ADARB1: variants seen among roughly 807,000 people sequenced by gnomAD.
The protein encoded by ADARB1 is double-stranded RNA-specific editase 1.
ADARB1 carries 10 observed loss-of-function variants against 52.4 expected under a neutral mutation model. That is an observed-to-expected ratio of 0.19 (90% CI 0.12 to 0.32). The LOEUF (loss-of-function observed/expected upper bound fraction) is 0.32, where lower values mean the gene tolerates loss of function less well. Among genes scored for constraint, ADARB1 ranks in the 10% least tolerant of loss-of-function variants. The pLI is 1.00. For synonymous variants in ADARB1, 349 were observed against 371.1 expected (o/e 0.94, Z 0.68); for missense variants, 643 against 922.3 (o/e 0.70, Z 3.92).
rs73907263 is a variant in ADARB1 at position 45,163,914 on chromosome 21, C to T, written c.-47-7696C>T. ...AGACTCAGAGTAGCTGTCTGTCCCACGTTGCCATAGCTGAGTTCACTCGGC... is the reference window on the plus strand; with the variant it reads ...AGACTCAGAGTAGCTGTCTGTCCCATGTTGCCATAGCTGAGTTCACTCGGC... On this transcript the variant is annotated intron_variant, in intron 2 of 10. Transcript: ENST00000348831. 6.4e-3 allele frequency among the ~76,000 whole-genome samples: 977 copies of T among 152,294 alleles called. 6 individuals are homozygous for T. Among genetic ancestry groups the T allele is most frequent in the African/African-American group, 0.021 (859 of 41,550 alleles).
At chr21:45,167,929 T>A (rs1488978928) in intron 2 of ADARB1, among the ~76,000 whole-genome samples, 1 of 152,162 alleles carries the variant, frequency 6.6e-6, no homozygotes. Flanking sequence ...CTAGAGTAGC[T>A]ATCCCATTTT....
intron 8 of ADARB1, among the ~76,000 whole-genome samples, chr21:45,201,834 A>G (rs2146330011): frequency 6.6e-6 from 1 of 152,108 alleles, no homozygotes; most frequent in Non-Finnish European, 1.5e-5. Context: ...GGTAAGCAAA[A>G]GGCTTGAGTG....
chr21:45,174,129 C>T (rs1405394568), intron 3 of ADARB1, among the ~76,000 whole-genome samples: 2 of 152,172 alleles, frequency 1.3e-5, no homozygotes, highest in African/African-American at 2.4e-5. Flanking sequence ...GAGAATCTAC[C>T]ATTTTACACA....
At chr21:45,113,895 C>G (rs2087686805) in intron 1 of ADARB1, among the ~76,000 whole-genome samples, 1 of 152,170 alleles carries the variant, frequency 6.6e-6, no homozygotes, top group Admixed American at 6.6e-5. Context: ...CTTTTGCAAG[C>G]AGTCTGCTGT....
In ADARB1 at chr21:45,176,816, AT is replaced by A; in HGVS notation, c.963+155del. The A allele has an allele frequency of 2.1e-6, 2 of 945,898 alleles. No individual in the cohort carries two copies. Among genetic ancestry groups the A allele is most frequent in the Non-Finnish European group, 3.1e-6 (2 of 655,110 alleles). 58.6% of individuals were successfully genotyped at this position (945,898 alleles called of 1,614,324 possible). Reference sequence around the variant, plus strand: ...AGTTACTGGTAAGTCTGGCTGCTTGATTTCCATGGCCATGTGGCCACTGAGA... The same window carrying A: ...AGTTACTGGTAAGTCTGGCTGCTTGATTCCATGGCCATGTGGCCACTGAGA... On this transcript the variant is annotated intron_variant, in intron 4 of 10. Coordinates refer to ENST00000348831, the MANE Select transcript of ADARB1 (RefSeq NM_001112.4). This position sits in a 1 kb window ranked among gnomAD's most constrained non-coding sequence, Gnocchi z 5.8.
At chr21:45,118,377 C>T (rs1001684373) in intron 1 of ADARB1, among the ~76,000 whole-genome samples, 1 of 152,186 alleles carries the variant, frequency 6.6e-6, no homozygotes, top group East Asian at 1.9e-4. Context: ...GAATGGATGG[C>T]TGACAGACTT....
At chr21:45,118,838 C>A (rs1186352461) in intron 1 of ADARB1, among the ~76,000 whole-genome samples, 1 of 152,132 alleles carries the variant, frequency 6.6e-6, no homozygotes, top group Non-Finnish European at 1.5e-5. Flanking sequence ...TTGGGAAGAC[C>A]CCTCACCTCT....
At chr21:45,175,695 A>T (rs756062092) in intron 3 of ADARB1, 35 bp from the exon 4 acceptor site, 1 of 1,605,250 alleles carries the variant, frequency 6.2e-7, no homozygotes. Context: ...TCCTGCAACG[A>T]AGGCATTGTA....
Position 45,222,190 on chromosome 21 carries a change from C to T in ADARB1, c.2099C>T (p.Thr700Met), listed in dbSNP as rs377391425. Residue 700 changes from threonine to methionine, a missense_variant, in exon 11 of 11, where the codon ACG becomes ATG. By Grantham distance (81) the Thr-to-Met change is moderately conservative (BLOSUM62 -1). This residue lies in a region of ADARB1 where 263 missense variants were observed against 475.8 expected (regional missense o/e 0.55). Transcript: ENST00000348831. ...KPTEQDQFSL[T>M]P ...ACCGAGCAGGACCAGTTCTCACTCA[C>T]GCCCTGACCCGGGCAGACATGATGG... 27 of 1,569,534 alleles carry T rather than the reference C, an allele frequency of 1.7e-5. No homozygotes were observed. Among genetic ancestry groups the T allele is most frequent in the African/African-American group, 5.4e-5 (4 of 73,464 alleles).
chr21:45,159,818 G>A (rs1361163824), intron 2 of ADARB1, among the ~76,000 whole-genome samples: 1 of 152,196 alleles, frequency 6.6e-6, no homozygotes, highest in Non-Finnish European at 1.5e-5. Context: ...TGGCCGTGTT[G>A]GCTTCCAAGA....
intron 9 of ADARB1, among the ~76,000 whole-genome samples, chr21:45,214,749 G>A (rs1243034690): frequency 6.6e-6 from 1 of 152,168 alleles, no homozygotes; most frequent in Admixed American, 6.6e-5. Context: ...TTTGTCTAAA[G>A]GCCAGTATTA....
chr21:45,197,849 A>G (rs866021301), intron 8 of ADARB1, among the ~76,000 whole-genome samples: 3 of 152,374 alleles, frequency 2.0e-5, no homozygotes, highest in African/African-American at 7.2e-5. Flanking sequence ...ATTTGTATAT[A>G]TCTCGGGAGA....
chr21:45,166,178 G>C (rs978890970), intron 2 of ADARB1, among the ~76,000 whole-genome samples: 3 of 152,162 alleles, frequency 2.0e-5, no homozygotes, highest in African/African-American at 4.8e-5. Context: ...ATTGTCCAAA[G>C]TTGATAAGAA....
At chr21:45,107,100 A>G (rs2087292926) in intron 1 of ADARB1, among the ~76,000 whole-genome samples, 1 of 152,250 alleles carries the variant, frequency 6.6e-6, no homozygotes, top group Admixed American at 6.5e-5. Context: ...TAATCAGAAG[A>G]TATTATGGAA....
At chr21:45,144,730 G>T in intron 2 of ADARB1, 2 of 427,942 alleles carry the variant, frequency 4.7e-6, no homozygotes, top group South Asian at 3.5e-5. Context: ...ACTACAAAAT[G>T]AATTAATATG....
At chr21:45,184,137 A>G (rs1445189859) in intron 7 of ADARB1, among the ~76,000 whole-genome samples, 2 of 152,242 alleles carry the variant, frequency 1.3e-5, no homozygotes, top group African/African-American at 4.8e-5. Flanking sequence ...CATTAAAATC[A>G]TCCGTATTCC....
At chr21:45,129,604 G>A (rs919357845) in intron 2 of ADARB1, among the ~76,000 whole-genome samples, 2 of 152,226 alleles carry the variant, frequency 1.3e-5, no homozygotes, top group Non-Finnish European at 2.9e-5. Flanking sequence ...CATGTGAGCC[G>A]CTCACTGGAC....
intron 2 of ADARB1, among the ~76,000 whole-genome samples, chr21:45,148,572 C>T (rs188495399): frequency 1.2e-3 from 187 of 152,282 alleles, no homozygotes; most frequent in African/African-American, 3.8e-3. Flanking sequence ...TTGTGTATCC[C>T]GCCCACAGGG....
intron 1 of ADARB1, chr21:45,100,374 A>C (rs2086948030): frequency 6.6e-6 from 1 of 152,234 alleles, no homozygotes; most frequent in African/African-American, 2.4e-5. Flanking sequence ...CCAGAGCAGC[A>C]GTGCATTTCC....
Sources: allele counts gnomAD v4.1 joint callset (sites outside exome capture counted in the v4.1 genomes callset), GRCh38; gene constraint gnomAD v4.1.1; regional missense constraint gnomAD v4.1.1; non-coding constraint Gnocchi (gnomAD v3.1); transcripts MANE v1.5; gene names NCBI Gene and HGNC (gene_info 2026-07-23, HGNC 2026-07-21).